DYRK1A: variants seen among roughly 807,000 people sequenced by gnomAD.
The protein encoded by DYRK1A is dual specificity tyrosine-phosphorylation-regulated kinase 1A.
A neutral mutation model predicts 79.7 loss-of-function variants in DYRK1A; 9 were observed. The ratio of observed to expected loss-of-function variants is 0.11; its 90% CI spans 0.07 to 0.20. The LOEUF is 0.20. Ranked by LOEUF, DYRK1A falls within the 10% of genes least tolerant of loss-of-function variation. The pLI is 1.00. For missense variants in DYRK1A, 622 were observed against 956.0 expected (o/e 0.65, Z 4.61); for synonymous variants, 349 against 329.7 (o/e 1.06, Z -0.63).
intron 1 of DYRK1A, among the ~76,000 whole-genome samples, chr21:37,385,248 G>A (rs2049737466): frequency 6.6e-6 from 1 of 152,122 alleles, no homozygotes; most frequent in Admixed American, 6.5e-5. Context: ...TATTATCTCA[G>A]TTTCTGTGGG....
chr21:37,441,631 C>A (rs1054172225), intron 2 of DYRK1A, among the ~76,000 whole-genome samples: 1 of 152,124 alleles, frequency 6.6e-6, no homozygotes, highest in Non-Finnish European at 1.5e-5. Context: ...GATCACTTCA[C>A]GTATAGTGTA....
chr21:37,498,944 T>G (rs1264482494), intron 9 of DYRK1A, among the ~76,000 whole-genome samples: 4 of 152,122 alleles, frequency 2.6e-5, no homozygotes, highest in African/African-American at 9.7e-5. Flanking sequence ...TACATATTCT[T>G]TGTCACAGGT....
chr21:37,408,118 T>A (rs2050181262), intron 1 of DYRK1A, among the ~76,000 whole-genome samples: 1 of 152,246 alleles, frequency 6.6e-6, no homozygotes. Context: ...CCTTTTCCCT[T>A]TCCCAGAAGA....
intron 2 of DYRK1A, among the ~76,000 whole-genome samples, chr21:37,452,075 G>A (rs1286753866): frequency 6.6e-6 from 1 of 152,010 alleles, no homozygotes; most frequent in African/African-American, 2.4e-5. Flanking sequence ...GAAATAAGAC[G>A]AGAGGTGTAA....
chr21:37,473,859 G>A (rs1038034861), intron 3 of DYRK1A, among the ~76,000 whole-genome samples: 3 of 152,182 alleles, frequency 2.0e-5, no homozygotes, highest in Non-Finnish European at 4.4e-5. Flanking sequence ...ATTGATTTCA[G>A]TTTAGTTGCG....
intron 2 of DYRK1A, among the ~76,000 whole-genome samples, chr21:37,460,621 G>A (rs1302184942): frequency 1.3e-5 from 2 of 152,076 alleles, no homozygotes; most frequent in African/African-American, 4.8e-5. Flanking sequence ...ACGTCCCTAC[G>A]CTCATTCCTA....
chr21:37,468,702 A>G (rs554845734), intron 2 of DYRK1A, among the ~76,000 whole-genome samples: 111 of 152,340 alleles, frequency 7.3e-4, no homozygotes, highest in African/African-American at 2.5e-3. Context: ...TTTACACAGA[A>G]GTCAAATGCA....
chr21:37,477,761 A>G (rs1057417042), intron 3 of DYRK1A, among the ~76,000 whole-genome samples: 4 of 152,096 alleles, frequency 2.6e-5, no homozygotes, highest in Admixed American at 6.5e-5. Context: ...CTGAAATCCT[A>G]TGTTAAGGAA....
At chr21:37,408,696 T>C (rs2050192402) in intron 1 of DYRK1A, among the ~76,000 whole-genome samples, 1 of 152,264 alleles carries the variant, frequency 6.6e-6, no homozygotes, top group Non-Finnish European at 1.5e-5. Context: ...AGGTTGCAAG[T>C]ATCACTTAAC....
At chr21:37,438,811 T>C (rs903446375) in intron 2 of DYRK1A, among the ~76,000 whole-genome samples, 3 of 152,226 alleles carry the variant, frequency 2.0e-5, no homozygotes, top group Non-Finnish European at 4.4e-5. Context: ...CTAGGTCTTT[T>C]GCATTTTCAT....
chr21:37,506,297 C>A, intron 11 of DYRK1A, 74 bp downstream of exon 11: 1 of 1,612,388 alleles, frequency 6.2e-7, no homozygotes, highest in Non-Finnish European at 8.5e-7. Flanking sequence ...TGCCAGGTGC[C>A]TTTAGAATGA....
chr21:37,507,328 T>G (rs1032566303), intron 11 of DYRK1A, among the ~76,000 whole-genome samples: 9 of 152,158 alleles, frequency 5.9e-5, no homozygotes, highest in African/African-American at 2.2e-4. Context: ...GTGTCTTCAC[T>G]CTCTCCTCTT....
chr21:37,468,554 T>A (rs1326217614), intron 2 of DYRK1A, among the ~76,000 whole-genome samples: 1 of 152,118 alleles, frequency 6.6e-6, no homozygotes, highest in African/African-American at 2.4e-5. Context: ...AGTCCAAAAC[T>A]AGATCCAAGC....
rs984539413 is a variant in DYRK1A at position 37,518,465 on chromosome 21, A to G, written c.*5934A>G. 3.3e-5 allele frequency: 5 copies of G among 152,238 alleles called. No individual in the cohort carries two copies. Among genetic ancestry groups the G allele is most frequent in the African/African-American group, 1.2e-4 (5 of 41,440 alleles). The allele number at this position is 152,238 out of a possible 1,614,324, so 9.4% of individuals were successfully genotyped here. ...GAACTTTATAAAACCACGGATGACC[A>G]TCACACTAGCAGGATTTTAGATTCA... On this transcript the variant is annotated 3_prime_UTR_variant, in exon 12 of 12. Coordinates refer to ENST00000647188, the MANE Select transcript of DYRK1A (RefSeq NM_001347721.2).
chr21:37,453,620 A>G (rs1160660329), intron 2 of DYRK1A, among the ~76,000 whole-genome samples: 3 of 151,880 alleles, frequency 2.0e-5, no homozygotes, highest in Non-Finnish European at 4.4e-5. Context: ...ATGCCTTGCT[A>G]GTTACTTCCC....
At chr21:37,510,601 C>T (rs184560176) in intron 11 of DYRK1A, among the ~76,000 whole-genome samples, 56 of 152,250 alleles carry the variant, frequency 3.7e-4, no homozygotes, top group African/African-American at 1.3e-3. Flanking sequence ...TAACAGACCC[C>T]CAAAATATGG....
At chr21:37,496,075 A>G (rs747728811) in intron 8 of DYRK1A, 43 bp from the exon 9 acceptor site, 22 of 1,578,856 alleles carry the variant, frequency 1.4e-5, no homozygotes, top group Middle Eastern at 1.7e-4. Flanking sequence ...GAGTAGATGT[A>G]CAGTAGAAAT....
intron 1 of DYRK1A, among the ~76,000 whole-genome samples, chr21:37,415,296 A>C (rs906498474): frequency 1.4e-4 from 22 of 152,140 alleles, no homozygotes; most frequent in African/African-American, 4.8e-4. Context: ...TAGCCTCTTT[A>C]ACACAAATTT....
chr21:37,415,159 G>T (rs1404284240), intron 1 of DYRK1A, among the ~76,000 whole-genome samples: 1 of 152,152 alleles, frequency 6.6e-6, no homozygotes, highest in Admixed American at 6.5e-5. Context: ...TGTGCTCTCA[G>T]AGATACTGAG....
Sources: gnomAD v4.1 joint callset for allele counts (sites outside exome capture counted in the v4.1 genomes callset) on GRCh38, gnomAD v4.1.1 for gene constraint, MANE v1.5 for transcripts, NCBI Gene and HGNC (gene_info 2026-07-23, HGNC 2026-07-21) for gene names.